The following SLC44A1 variants were observed in gnomAD, a reference collection of about 807,000 sequenced individuals.
SLC44A1 encodes choline transporter-like protein 1.
In SLC44A1, 26 loss-of-function variants were observed where a neutral mutation model predicts 79.3. The observed-to-expected ratio is 0.33, with a 90% CI of 0.24 to 0.46. SLC44A1 has a LOEUF of 0.46. SLC44A1 is among the 20% of genes least tolerant of loss of function. SLC44A1 has a pLI of 1.00. For missense variants in SLC44A1, 688 were observed against 798.1 expected, an observed-to-expected ratio of 0.86 and a Z score of 1.66; for synonymous variants, 263 against 286.2, an observed-to-expected ratio of 0.92 and a Z score of 0.82.
At position 105,314,422 on chromosome 9, in the gene SLC44A1, T is replaced by C. The variant is rs565128829; in HGVS notation, c.269+4556T>C. ...AAGTATTAAGTCATTATTAGAACTTTTCCCTCATTCTTCAAACAGTCCTAA... is the reference window on the plus strand; with the variant it reads ...AAGTATTAAGTCATTATTAGAACTTCTCCCTCATTCTTCAAACAGTCCTAA... On this transcript the variant is annotated intron_variant, in intron 3 of 15. Coordinates refer to ENST00000374720, the MANE Select transcript of SLC44A1 (RefSeq NM_080546.5). Among the ~76,000 whole-genome samples the C allele has an allele frequency of 2.0e-5, 3 of 152,352 alleles. No homozygotes were observed. In the South Asian group the frequency reaches 6.2e-4, roughly 32 times the overall value.
intron 1 of SLC44A1, among the ~76,000 whole-genome samples, chr9:105,285,299 T>C (rs1830448193): frequency 6.6e-6 from 1 of 152,266 alleles, no homozygotes; most frequent in South Asian, 2.1e-4. Flanking sequence ...TGTTTCTGCC[T>C]GTTAAATATC....
rs1830724892 is a variant in SLC44A1, at chr9:105,296,493, C to T, written c.37-2727C>T. ...TGAATGTTGGTCTAAGGTAAAAATA[C>T]TAAGAAAATAGTTGGGGATAAAGAA... is the stretch of plus-strand genomic sequence containing the variant. On this transcript the variant is annotated intron_variant, in intron 1 of 15. Coordinates refer to ENST00000374720, the MANE Select transcript of SLC44A1 (RefSeq NM_080546.5). Among the ~76,000 whole-genome samples, 4 of 152,152 alleles carry T rather than the reference C, an allele frequency of 2.6e-5. No homozygotes were observed. In the South Asian group the frequency reaches 8.3e-4, roughly 31 times the overall value.
chr9:105,391,098 T>C lies in SLC44A1; in HGVS notation c.*2042T>C. On this transcript the variant is annotated 3_prime_UTR_variant, in exon 16 of 16. Transcript: ENST00000374720. ...TTGGCAAAAGTCTAGAAGATGGGTATCAAAACAGAAGACATTCCAGGAGCT... is the reference window on the plus strand; with the variant it reads ...TTGGCAAAAGTCTAGAAGATGGGTACCAAAACAGAAGACATTCCAGGAGCT... The C allele has an allele frequency of 2.0e-6, 2 of 985,788 alleles. No homozygotes were observed. Among genetic ancestry groups the C allele is most frequent in the East Asian group, 1.1e-4 (1 of 8,812 alleles). The allele number at this position is 985,788 out of a possible 1,614,324, so 61.1% of individuals were successfully genotyped here.
intron 2 of SLC44A1, chr9:105,299,894 T>G: frequency 1.0e-6 from 1 of 986,014 alleles, no homozygotes; most frequent in Non-Finnish European, 1.2e-6. Flanking sequence ...CTGGTGATTT[T>G]CCAGTGGGTA....
At chr9:105,356,106 G>T in intron 5 of SLC44A1, 106 bp from the exon 6 acceptor site, 1 of 815,948 alleles carries the variant, frequency 1.2e-6, no homozygotes, top group East Asian at 2.5e-5. Flanking sequence ...TGTGTGGAGG[G>T]TGGAGTGTAT....
intron 15 of SLC44A1, among the ~76,000 whole-genome samples, chr9:105,427,367 G>A (rs1829336714): frequency 6.6e-6 from 1 of 152,100 alleles, no homozygotes; most frequent in African/African-American, 2.4e-5. Flanking sequence ...ATTGAATTCA[G>A]CAATTTCCTC....
intron 9 of SLC44A1, 103 bp from the exon 10 acceptor site, chr9:105,364,452 G>A: frequency 1.2e-6 from 1 of 869,302 alleles, no homozygotes; most frequent in Non-Finnish European, 1.8e-6. Flanking sequence ...CAGATCAGAA[G>A]GTTTGTGGCT....
At chr9:105,375,011 T>G (rs1346092151) in intron 13 of SLC44A1, among the ~76,000 whole-genome samples, 1 of 152,142 alleles carries the variant, frequency 6.6e-6, no homozygotes, top group Non-Finnish European at 1.5e-5. Context: ...TGTGCCTATG[T>G]TTCTCTTTCT....
In SLC44A1 at chr9:105,396,775, G is replaced by A. The variant is rs1828885464; in HGVS notation, c.*7719G>A. ...TTTCATAGTGCCAAAATGAATTTTT[G>A]TATCTTGTCTTGTCTTTGTCCATTA... is the stretch of plus-strand genomic sequence containing the variant. On this transcript the variant is annotated 3_prime_UTR_variant, in exon 16 of 16. Transcript: ENST00000374720. 2.0e-6 allele frequency: 2 copies of A among 977,856 alleles called. No homozygotes were observed. Among genetic ancestry groups the A allele is most frequent in the Non-Finnish European group, 2.4e-6 (2 of 827,404 alleles). The allele number at this position is 977,856 out of a possible 1,614,324, so 60.6% of individuals were successfully genotyped here.
At chr9:105,425,435 C>T (rs995299467) in intron 15 of SLC44A1, among the ~76,000 whole-genome samples, 3 of 152,020 alleles carry the variant, frequency 2.0e-5, no homozygotes, top group Non-Finnish European at 4.4e-5. Flanking sequence ...AATGTAGTTG[C>T]GGAAAGATCT....
At chr9:105,316,562 T>C (rs1025227555) in intron 3 of SLC44A1, among the ~76,000 whole-genome samples, 2 of 152,186 alleles carry the variant, frequency 1.3e-5, no homozygotes, top group Non-Finnish European at 2.9e-5. Flanking sequence ...CTATAATCGA[T>C]ATATACATTA....
At position 105,396,720 on chromosome 9, in the gene SLC44A1, T is replaced by C; in HGVS notation, c.*7664T>C. On this transcript the variant is annotated 3_prime_UTR_variant, in exon 16 of 16. Coordinates refer to ENST00000374720, the MANE Select transcript of SLC44A1 (RefSeq NM_080546.5). ...TATTTCTCAATCTGATGCCTTTTTG[T>C]CTTTTTTTTTTTTTGCCATTTGCAT... 3 of 983,416 alleles carry C rather than the reference T, an allele frequency of 3.1e-6. No homozygotes were observed. The highest frequency in any genetic ancestry group is 3.6e-6 in the Non-Finnish European group (3 of 828,838). The allele number at this position is 983,416 out of a possible 1,614,324, so 60.9% of individuals were successfully genotyped here. A position where few individuals can be genotyped will look rare whatever the true frequency, so the allele number is the denominator to read the frequency against.
chr9:105,293,775 A>C (rs947574729), intron 1 of SLC44A1, among the ~76,000 whole-genome samples: 3 of 152,244 alleles, frequency 2.0e-5, no homozygotes, highest in African/African-American at 7.2e-5. Context: ...ATAACATGGA[A>C]ATTTAGATTA....
chr9:105,394,780 A>C lies in SLC44A1; in HGVS notation c.*5724A>C. On this transcript the variant is annotated 3_prime_UTR_variant, in exon 16 of 16. Transcript: ENST00000374720. Reference sequence around the variant, plus strand: ...AGAAAGTTGGAGGAGCAGATGCTGAAGGTAGAAATGCAAAAGATGTTTTTT... The same window carrying C: ...AGAAAGTTGGAGGAGCAGATGCTGACGGTAGAAATGCAAAAGATGTTTTTT... 1 of 985,422 alleles carries C rather than the reference A, an allele frequency of 1.0e-6. No homozygotes were observed. The highest frequency in any genetic ancestry group is 1.2e-6 in the Non-Finnish European group (1 of 829,920). The allele number at this position is 985,422 out of a possible 1,614,324, so 61.0% of individuals were successfully genotyped here.
intron 12 of SLC44A1, among the ~76,000 whole-genome samples, chr9:105,370,473 C>T (rs1008462507): frequency 9.2e-5 from 14 of 152,122 alleles, no homozygotes; most frequent in African/African-American, 3.1e-4. Context: ...ACAGAAATTT[C>T]TCAGAGGGGT....
At chr9:105,361,091 C>A in intron 7 of SLC44A1, 100 bp from the exon 8 acceptor site, 1 of 1,151,248 alleles carries the variant, frequency 8.7e-7, no homozygotes, top group Non-Finnish European at 1.3e-6. Flanking sequence ...CTGCATTAGT[C>A]CCATGATGAT....
chr9:105,273,847 T>C (rs772735151), intron 1 of SLC44A1, among the ~76,000 whole-genome samples: 7 of 152,188 alleles, frequency 4.6e-5, no homozygotes, highest in Non-Finnish European at 5.9e-5. Context: ...TTAATAATAA[T>C]CTACTTTCCC....
Position 105,323,794 on chromosome 9 carries a change from C to T in SLC44A1, c.270-11769C>T, listed in dbSNP as rs35412407. 1.1e-3 allele frequency among the ~76,000 whole-genome samples: 163 copies of T among 152,248 alleles called. No homozygotes were observed. In the South Asian group the frequency reaches 0.031, roughly 29 times the overall value. On this transcript the variant is annotated intron_variant, in intron 3 of 15. Transcript: ENST00000374720. ...TTCTCAGGGGAGGCTTTCAGGGTTC[C>T]GTTTTTCATAGACACAGCTTGGTCT...
At chr9:105,263,536 T>TG (rs1829887787) in intron 1 of SLC44A1, among the ~76,000 whole-genome samples, 1 of 144,042 alleles carries the variant, frequency 6.9e-6, no homozygotes, top group African/African-American at 2.8e-5. Flanking sequence ...CACATGTGTG[T>TG]ATTTTTTTTT....
Sources: gnomAD v4.1 joint callset for allele counts (sites outside exome capture counted in the v4.1 genomes callset) on GRCh38, gnomAD v4.1.1 for gene constraint, MANE v1.5 for transcripts, NCBI Gene and HGNC (gene_info 2026-07-23, HGNC 2026-07-21) for gene names.